Variants in MTARC2 observed in about 807,000 individuals in gnomAD.
MTARC2 encodes the protein mitochondrial amidoxime reducing component 2.
MTARC2 carries 27 observed loss-of-function variants against 35.6 expected under a neutral mutation model. That is an observed-to-expected ratio of 0.76 (90% CI 0.56 to 1.04). MTARC2 has a LOEUF of 1.04. Among genes scored for constraint, MTARC2 ranks in the 50% least tolerant of loss-of-function variants. The pLI, the probability that MTARC2 is intolerant of heterozygous loss-of-function variation, is 0.00. For missense variants in MTARC2, 412 were observed against 432.5 expected, an observed-to-expected ratio of 0.95 and a Z score of 0.42; for synonymous variants, 158 against 167.1, an observed-to-expected ratio of 0.95 and a Z score of 0.42.
At chr1:220,760,012 G>A (rs1168819969) in intron 2 of MTARC2, among the ~76,000 whole-genome samples, 5 of 152,154 alleles carry the variant, frequency 3.3e-5, no homozygotes, top group Non-Finnish European at 5.9e-5. Flanking sequence ...ACTGGTATGA[G>A]CCTTCCCACG....
At chr1:220,770,315 G>A in intron 4 of MTARC2, 1 of 866,616 alleles carries the variant, frequency 1.2e-6, no homozygotes, top group South Asian at 5.3e-5. Flanking sequence ...TGAATTCGAG[G>A]CAAGGACTTG....
At chr1:220,749,466 C>T (rs916448308) in intron 1 of MTARC2, among the ~76,000 whole-genome samples, 11 of 142,226 alleles carry the variant, frequency 7.7e-5, no homozygotes, top group Non-Finnish European at 1.2e-4. Flanking sequence ...AATCTCACTT[C>T]GTAGCTCAGG....
chr1:220,776,931 G>A (rs1671933546), intron 4 of MTARC2, among the ~76,000 whole-genome samples: 1 of 152,134 alleles, frequency 6.6e-6, no homozygotes, highest in Non-Finnish European at 1.5e-5. Flanking sequence ...TGCATCTCAG[G>A]CCAGGGTACC....
intron 2 of MTARC2, among the ~76,000 whole-genome samples, chr1:220,756,780 C>T (rs1308759370): frequency 1.3e-5 from 2 of 152,204 alleles, no homozygotes; most frequent in South Asian, 2.1e-4. Flanking sequence ...AGGCTCTTTA[C>T]CAGCTAAATA....
At chr1:220,760,974 A>G (rs1671421164) in intron 2 of MTARC2, among the ~76,000 whole-genome samples, 1 of 152,250 alleles carries the variant, frequency 6.6e-6, no homozygotes, top group African/African-American at 2.4e-5. Flanking sequence ...TTTAGAATTC[A>G]ATGGAAATGA....
chr1:220,751,734 G>C (rs1671131181), intron 1 of MTARC2, among the ~76,000 whole-genome samples: 1 of 152,126 alleles, frequency 6.6e-6, no homozygotes, highest in South Asian at 2.1e-4. Context: ...GGGGCTCCAG[G>C]CTTCTACACT....
Position 220,783,968 on chromosome 1 carries a change from G to A in MTARC2, c.*81G>A, listed in dbSNP as rs1163048543. 4 of 717,306 alleles carry A rather than the reference G, an allele frequency of 5.6e-6. No individual in the cohort carries two copies. Among genetic ancestry groups the A allele is most frequent in the South Asian group, 3.0e-5 (2 of 67,574 alleles). The allele number at this position is 717,306 out of a possible 1,614,324, so 44.4% of individuals were successfully genotyped here. A position where few individuals can be genotyped will look rare whatever the true frequency, so the allele number is the denominator to read the frequency against. ...CTGAGATCTTAACAACAGCAGCAACGATACATCAGCAAATCCTTATTATCC... is the reference window on the plus strand; with the variant it reads ...CTGAGATCTTAACAACAGCAGCAACAATACATCAGCAAATCCTTATTATCC... On this transcript the variant is annotated 3_prime_UTR_variant, in exon 8 of 8. Transcript: ENST00000366913.
At chr1:220,771,051 C>T (rs564644141) in intron 4 of MTARC2, among the ~76,000 whole-genome samples, 1 of 152,180 alleles carries the variant, frequency 6.6e-6, no homozygotes, top group Non-Finnish European at 1.5e-5. Context: ...GTAATCCCAG[C>T]ACTTTGGGAG....
chr1:220,775,877 A>G (rs12029761), intron 4 of MTARC2, among the ~76,000 whole-genome samples: 3,614 of 152,318 alleles, frequency 0.024, 106 homozygotes, highest in African/African-American at 0.064. Context: ...TTATGGCTGC[A>G]TAGTATTCCA....
At chr1:220,770,511 C>G in intron 4 of MTARC2, 1 of 985,428 alleles carries the variant, frequency 1.0e-6, no homozygotes, top group South Asian at 4.7e-5. Flanking sequence ...ACCCAAGAGA[C>G]AAGCCCTTCA....
At chr1:220,753,521 C>T (rs1046402861) in intron 1 of MTARC2, among the ~76,000 whole-genome samples, 11 of 152,142 alleles carry the variant, frequency 7.2e-5, no homozygotes, top group Admixed American at 2.0e-4. Flanking sequence ...AGGGCAGAGA[C>T]GGAGCTCCCT....
At chr1:220,774,983 G>A (rs17008644) in intron 4 of MTARC2, among the ~76,000 whole-genome samples, 3,584 of 152,070 alleles carry the variant, frequency 0.024, 109 homozygotes, top group African/African-American at 0.064. Context: ...ACACACATTC[G>A]TATGCATCTA....
At chr1:220,752,038 C>A (rs1671137976) in intron 1 of MTARC2, among the ~76,000 whole-genome samples, 1 of 152,172 alleles carries the variant, frequency 6.6e-6, no homozygotes, top group African/African-American at 2.4e-5. Flanking sequence ...AAATTGGACT[C>A]CCTGTAAGTT....
chr1:220,776,906 C>T (rs1223611401), intron 4 of MTARC2, among the ~76,000 whole-genome samples: 2 of 152,178 alleles, frequency 1.3e-5, no homozygotes, highest in African/African-American at 4.8e-5. Context: ...GTGGTAGGTG[C>T]CCAGCCTTCC....
At chr1:220,758,027 C>T (rs901850697) in intron 2 of MTARC2, among the ~76,000 whole-genome samples, 6 of 152,150 alleles carry the variant, frequency 3.9e-5, no homozygotes, top group African/African-American at 9.7e-5. Context: ...CTCTGTCACC[C>T]GGGCTGGAGT....
At chr1:220,770,814 A>G (rs1572310147) in intron 4 of MTARC2, among the ~76,000 whole-genome samples, 1 of 152,144 alleles carries the variant, frequency 6.6e-6, no homozygotes. Context: ...CGTGGCCGTA[A>G]CCTCCCCTGA....
chr1:220,754,602 T>TGCG lies in MTARC2; in HGVS notation c.273-343_273-342insGGC, dbSNP rs201384609. ...GCCACAGAGACATATTTAACAGACC[T>TGCG]GCAGAAGCTTCTAACCAAAGCAGAA... On this transcript the variant is annotated intron_variant, in intron 1 of 7. Coordinates refer to ENST00000366913, the MANE Select transcript of MTARC2 (RefSeq NM_017898.5). Among the ~76,000 whole-genome samples the TGCG allele has an allele frequency of 7.5e-3, 1,135 of 152,236 alleles. 14 individuals carry two copies. The highest frequency in any genetic ancestry group is 0.026 in the African/African-American group (1,089 of 41,538).
chr1:220,770,451 C>G lies in MTARC2; in HGVS notation c.750+7401C>G, dbSNP rs78847291. 4.8e-3 allele frequency: 4,771 copies of G among 985,372 alleles called. 36 individuals carry two copies. The East Asian group carries it at 0.056, about 12-fold the overall frequency. The allele number at this position is 985,372 out of a possible 1,614,324, so 61.0% of individuals were successfully genotyped here. A position where few individuals can be genotyped will look rare whatever the true frequency, so the allele number is the denominator to read the frequency against. ...CCCTCGAGTGAGTGTGATACGTGAA[C>G]GCACGCTTATCGATCCCTTGTAAGG... On this transcript the variant is annotated intron_variant, in intron 4 of 7. Transcript: ENST00000366913.
rs1671037621 is a variant in MTARC2, at chr1:220,748,466, C to T, written c.-66C>T. On this transcript the variant is annotated 5_prime_UTR_variant, in exon 1 of 8. Transcript: ENST00000366913. ...GCCTGCCCGGATCCTTAAGGGCCTCCTCGTCCTCCCGGTCTCCGGTCGCTG... is the reference window on the plus strand; with the variant it reads ...GCCTGCCCGGATCCTTAAGGGCCTCTTCGTCCTCCCGGTCTCCGGTCGCTG... The T allele has an allele frequency of 3.8e-6, 5 of 1,332,634 alleles. No individual in the cohort carries two copies. The highest frequency in any genetic ancestry group is 4.8e-6 in the Non-Finnish European group (5 of 1,049,040). 82.6% of individuals were successfully genotyped at this position (1,332,634 alleles called of 1,614,324 possible). A position where few individuals can be genotyped will look rare whatever the true frequency, so the allele number is the denominator to read the frequency against.
Sources: gnomAD v4.1 joint callset for allele counts (sites outside exome capture counted in the v4.1 genomes callset) on GRCh38, gnomAD v4.1.1 for gene constraint, MANE v1.5 for transcripts, NCBI Gene and HGNC (gene_info 2026-07-23, HGNC 2026-07-21) for gene names.